PDZD2: variants seen among roughly 807,000 people sequenced by gnomAD.
PDZD2 encodes PDZ domain-containing protein 2.
A neutral mutation model predicts 220.7 loss-of-function variants in PDZD2; 90 were observed. That is an observed-to-expected ratio of 0.41 (90% confidence interval 0.34 to 0.49). The LOEUF (loss-of-function observed/expected upper bound fraction) is 0.49. PDZD2 is among the 20% of genes least tolerant of loss of function. The pLI, the probability that PDZD2 is intolerant of heterozygous loss-of-function variation, is 0.28. For synonymous variants in PDZD2, 1,375 were observed against 1,450.5 expected (o/e 0.95, Z 1.18); for missense variants, 3,174 against 3,608.5 (o/e 0.88, Z 3.08).
chr5:32,042,989 AG>A (rs1737569265), intron 7 of PDZD2, among the ~76,000 whole-genome samples: 1 of 152,220 alleles, frequency 6.6e-6, no homozygotes, highest in Non-Finnish European at 1.5e-5. Flanking sequence ...AGAATCCCAA[AG>A]GTCACTCAGT....
In PDZD2 at chr5:32,061,093, G is replaced by A. The variant is rs1739648884; in HGVS notation, c.2410G>A (p.Gly804Arg). The A allele has an allele frequency of 6.2e-7, 1 of 1,614,038 alleles. No homozygotes were observed. Among genetic ancestry groups the A allele is most frequent in the Non-Finnish European group, 8.5e-7 (1 of 1,180,022 alleles). ...CGCCATCTTGAGTAAATGCCCTCCA[G>A]GACCCGTTCGCCTTGTCATCGGCCG... ...VHAILSKCPPGPVRLVIGRHP... is the reference protein window; with the variant it reads ...VHAILSKCPPRPVRLVIGRHP... The change falls in exon 14 of 25, where the codon GGA (glycine) becomes AGA (arginine). Residue 804 changes from glycine (G) to arginine (R), a missense_variant. This residue lies in a region of PDZD2 where 1,861 missense variants were observed against 2,001.0 expected (regional missense o/e 0.93). Transcript: ENST00000438447.
intron 2 of PDZD2, among the ~76,000 whole-genome samples, chr5:31,826,096 C>T (rs1756198252): frequency 6.6e-6 from 1 of 152,038 alleles, no homozygotes; most frequent in South Asian, 2.1e-4. Flanking sequence ...ATATTTGGTA[C>T]GGGGGTATAA....
chr5:31,855,015 C>G, intron 2 of PDZD2: 1 of 985,054 alleles, frequency 1.0e-6, no homozygotes. Flanking sequence ...CCGCCCCAGG[C>G]CCCCGGGCCG....
Position 32,098,486 on chromosome 5 carries a change from T to G in PDZD2, c.8070T>G (p.Val2690=). The G allele has an allele frequency of 6.2e-7, 1 of 1,614,172 alleles. No homozygotes were observed. The highest frequency in any genetic ancestry group is 1.3e-5 in the African/African-American group (1 of 75,042). ...AGLAHGNVLK[V]LHQAQLHKDA... Reference sequence around the variant, plus strand: ...TAGCCCACGGGAATGTCCTGAAGGTTCTGCACCAGGCACAGCTGCACAAAG... The same window carrying G: ...TAGCCCACGGGAATGTCCTGAAGGTGCTGCACCAGGCACAGCTGCACAAAG... Residue 2690 remains valine (V), a synonymous_variant, in exon 23 of 25, where the codon GTT becomes GTG. Transcript: ENST00000438447. This position sits in a 1 kb window ranked among gnomAD's most constrained non-coding sequence, Gnocchi z 4.1.
chr5:31,906,996 A>G (rs1742719204), intron 2 of PDZD2, among the ~76,000 whole-genome samples: 1 of 152,254 alleles, frequency 6.6e-6, no homozygotes, highest in African/African-American at 2.4e-5. Flanking sequence ...AATTCTGGGT[A>G]GAATGCTTGG....
chr5:32,019,767 A>G (rs1479600731), intron 6 of PDZD2, among the ~76,000 whole-genome samples: 1 of 152,172 alleles, frequency 6.6e-6, no homozygotes, highest in African/African-American at 2.4e-5. Context: ...AAAATAAAAT[A>G]TGAATCATTG....
At chr5:31,783,178 T>C (rs955226441) in intron 1 of PDZD2, among the ~76,000 whole-genome samples, 4 of 152,222 alleles carry the variant, frequency 2.6e-5, no homozygotes, top group Non-Finnish European at 4.4e-5. Context: ...GATTTCTGCC[T>C]GAGGAGTCAT....
chr5:31,774,626 G>C (rs1752532317), intron 1 of PDZD2, among the ~76,000 whole-genome samples: 1 of 151,650 alleles, frequency 6.6e-6, no homozygotes, highest in South Asian at 2.1e-4. Context: ...TGAGGTAGGA[G>C]AATCGCTTGA....
intron 6 of PDZD2, among the ~76,000 whole-genome samples, chr5:32,024,681 TC>T (rs879662130): frequency 0.5 from 64,994 of 129,964 alleles, 17,013 homozygotes; most frequent in Non-Finnish European, 0.6. Context: ...AGACTTCATC[TC>T]AAAAAAAAAA....
intron 2 of PDZD2, among the ~76,000 whole-genome samples, chr5:31,807,887 C>G (rs548341184): frequency 3.9e-5 from 6 of 152,254 alleles, no homozygotes; most frequent in African/African-American, 1.4e-4. Context: ...CAGCCCTGGT[C>G]AGAAGTCACC....
chr5:31,892,081 T>G (rs1741100163), intron 2 of PDZD2, among the ~76,000 whole-genome samples: 1 of 152,068 alleles, frequency 6.6e-6, no homozygotes, highest in African/African-American at 2.4e-5. Flanking sequence ...TGGCTAATTT[T>G]TTTTATTTTT....
intron 2 of PDZD2, among the ~76,000 whole-genome samples, chr5:31,915,798 A>G (rs1349149756): frequency 1.3e-5 from 2 of 152,224 alleles, no homozygotes; most frequent in African/African-American, 4.8e-5. Flanking sequence ...TGGCCTTTCT[A>G]TCTGAGCCCA....
At chr5:31,855,093 G>A (rs918881249) in intron 2 of PDZD2, 1 of 985,374 alleles carries the variant, frequency 1.0e-6, no homozygotes, top group Non-Finnish European at 1.2e-6. Context: ...CGGATTACCC[G>A]GCGCCCAGCT....
chr5:32,015,829 T>C (rs967399147), intron 6 of PDZD2, among the ~76,000 whole-genome samples: 2 of 152,094 alleles, frequency 1.3e-5, no homozygotes, highest in African/African-American at 4.8e-5. Context: ...TTGGAGCCTG[T>C]CTCCCTTTTT....
chr5:31,852,091 G>A (rs1277716759), intron 2 of PDZD2, among the ~76,000 whole-genome samples: 1 of 151,702 alleles, frequency 6.6e-6, no homozygotes, highest in Non-Finnish European at 1.5e-5. Flanking sequence ...TCCTGACCTC[G>A]TGATCCGCCT....
chr5:31,957,177 C>T lies in PDZD2; in HGVS notation c.477-25978C>T, dbSNP rs909604222. Among the ~76,000 whole-genome samples, 5 of 152,184 alleles carry T rather than the reference C, an allele frequency of 3.3e-5. No homozygotes were observed. In the East Asian group the frequency reaches 5.8e-4, roughly 18 times the overall value. ...TCAGCCTCCTGAGTAGTTGGAACTA[C>T]GGGCATGAGCCACCATGCCTGGCTC... is the stretch of plus-strand genomic sequence containing the variant. On this transcript the variant is annotated intron_variant, in intron 2 of 24. Transcript: ENST00000438447.
At chr5:32,100,788 G>A (rs1308302388) in intron 23 of PDZD2, 6 of 842,756 alleles carry the variant, frequency 7.1e-6, no homozygotes, top group Admixed American at 6.6e-5. Context: ...CAGCCGGTGT[G>A]GGGGGCTTAA....
intron 1 of PDZD2, among the ~76,000 whole-genome samples, chr5:31,714,784 C>T (rs1040613724): frequency 2.0e-5 from 3 of 151,986 alleles, no homozygotes; most frequent in Non-Finnish European, 4.4e-5. Context: ...TGGGGCCAGG[C>T]GCAGTTGCTC....
intron 1 of PDZD2, among the ~76,000 whole-genome samples, chr5:31,662,577 G>T (rs1045651634): frequency 1.3e-5 from 2 of 152,228 alleles, no homozygotes; most frequent in African/African-American, 4.8e-5. Flanking sequence ...AGGCAGGGAT[G>T]GTGCCTTCTA....
Sources: gnomAD v4.1 joint callset for allele counts (sites outside exome capture counted in the v4.1 genomes callset) on GRCh38, gnomAD v4.1.1 for gene constraint, gnomAD v4.1.1 regional missense constraint, Gnocchi (gnomAD v3.1) non-coding constraint, MANE v1.5 for transcripts, NCBI Gene and HGNC (gene_info 2026-07-23, HGNC 2026-07-21) for gene names.